The following BANK1 variants were observed in gnomAD, a reference collection of about 807,000 sequenced individuals.
BANK1 encodes the protein B cell scaffold protein with ankyrin repeats 1.
In BANK1, 95 loss-of-function variants were observed where a neutral mutation model predicts 94.5. The ratio of observed to expected loss-of-function variants is 1.00; its 90% CI spans 0.85 to 1.19. The LOEUF (loss-of-function observed/expected upper bound fraction) is 1.19, where lower values mean the gene tolerates loss of function less well. Among genes scored for constraint, BANK1 ranks in the 50% most tolerant of loss-of-function variants. BANK1 has a pLI of 0.00. For missense variants in BANK1, 987 were observed against 932.2 expected (o/e 1.06, Z -0.77); for synonymous variants, 334 against 308.4 (o/e 1.08, Z -0.87).
intron 1 of BANK1, among the ~76,000 whole-genome samples, chr4:101,828,211 A>G (rs1726438359): frequency 6.6e-6 from 1 of 151,668 alleles, no homozygotes; most frequent in Non-Finnish European, 1.5e-5. Flanking sequence ...GCCCTATTAG[A>G]CCTGTCCAAC....
chr4:101,798,954 T>G (rs1272680363), intron 1 of BANK1, among the ~76,000 whole-genome samples: 3 of 152,200 alleles, frequency 2.0e-5, no homozygotes, highest in East Asian at 1.9e-4. Context: ...GTGCAGAAGC[T>G]CTTTAGTTTA....
intron 1 of BANK1, among the ~76,000 whole-genome samples, chr4:101,824,984 GT>G (rs1726310033): frequency 6.6e-6 from 1 of 152,028 alleles, no homozygotes; most frequent in Non-Finnish European, 1.5e-5. Context: ...TTGTTATAGT[GT>G]ATTTAAGACA....
chr4:101,886,626 T>A (rs987533051), intron 5 of BANK1, among the ~76,000 whole-genome samples: 1 of 152,182 alleles, frequency 6.6e-6, no homozygotes, highest in Non-Finnish European at 1.5e-5. Context: ...TTGATTTCTT[T>A]AATGCCTACA....
intron 7 of BANK1, among the ~76,000 whole-genome samples, chr4:101,940,603 G>A (rs2148909888): frequency 6.6e-6 from 1 of 151,782 alleles, no homozygotes; most frequent in East Asian, 2.0e-4. Flanking sequence ...CTTTCCTTGT[G>A]TTTGATGACT....
intron 5 of BANK1, among the ~76,000 whole-genome samples, chr4:101,874,382 A>C (rs1728409892): frequency 6.6e-6 from 1 of 152,168 alleles, no homozygotes; most frequent in South Asian, 2.1e-4. Context: ...GTCTCCCTTA[A>C]TGAATTCTTC....
At chr4:102,040,066 C>T (rs530368075) in intron 10 of BANK1, among the ~76,000 whole-genome samples, 1 of 152,144 alleles carries the variant, frequency 6.6e-6, no homozygotes, top group East Asian at 1.9e-4. Flanking sequence ...ATCAGATTTT[C>T]TAAGAAGGGC....
chr4:101,983,729 T>A (rs947145465), intron 7 of BANK1, among the ~76,000 whole-genome samples: 1 of 152,010 alleles, frequency 6.6e-6, no homozygotes, highest in South Asian at 2.1e-4. Flanking sequence ...AGAAAAGATG[T>A]TCCAGATATT....
chr4:101,806,559 C>T (rs924310999), intron 1 of BANK1, among the ~76,000 whole-genome samples: 4 of 152,064 alleles, frequency 2.6e-5, no homozygotes, highest in Non-Finnish European at 5.9e-5. Context: ...GCTATGCAAC[C>T]TCTCTGATGC....
intron 1 of BANK1, among the ~76,000 whole-genome samples, chr4:101,812,355 A>C (rs1235033253): frequency 6.6e-6 from 1 of 151,988 alleles, no homozygotes; most frequent in Admixed American, 6.6e-5. Context: ...AAGTGGTGAA[A>C]TGTTAAAATA....
chr4:101,879,991 TG>T (rs1395943516), intron 5 of BANK1, among the ~76,000 whole-genome samples: 1 of 152,078 alleles, frequency 6.6e-6, no homozygotes, highest in East Asian at 1.9e-4. Context: ...TCATACTGAA[TG>T]GGTAAAAACT....
In BANK1 at chr4:101,924,592, G is replaced by A. The variant is rs147693466; in HGVS notation, c.1206+6403G>A. On this transcript the variant is annotated intron_variant, in intron 7 of 16. Transcript: ENST00000322953. ...CAGCAGTATAATCATTTGGCGGTGCGTTGGGAAGGGGAGCAGGCATCACTG... is the reference window on the plus strand; with the variant it reads ...CAGCAGTATAATCATTTGGCGGTGCATTGGGAAGGGGAGCAGGCATCACTG... Among the ~76,000 whole-genome samples the A allele has an allele frequency of 5.9e-3, 900 of 151,876 alleles. 15 individuals carry two copies. The highest frequency in any genetic ancestry group is 0.02 in the African/African-American group (834 of 41,500).
At chr4:101,841,976 T>C (rs975273010) in intron 2 of BANK1, among the ~76,000 whole-genome samples, 1 of 152,114 alleles carries the variant, frequency 6.6e-6, no homozygotes, top group African/African-American at 2.4e-5. Context: ...AGATGAATTA[T>C]TATGAAAAAT....
At chr4:102,020,854 A>G (rs916810879) in intron 7 of BANK1, among the ~76,000 whole-genome samples, 47 of 152,280 alleles carry the variant, frequency 3.1e-4, no homozygotes, top group African/African-American at 1.1e-3. Context: ...TAGAACCATC[A>G]CTAGTATTAG....
intron 2 of BANK1, among the ~76,000 whole-genome samples, chr4:101,833,107 G>A (rs1053856151): frequency 6.6e-5 from 10 of 151,976 alleles, no homozygotes; most frequent in Non-Finnish European, 1.5e-4. Flanking sequence ...AGCCTCCTGA[G>A]TAGCTGGGAT....
intron 4 of BANK1, among the ~76,000 whole-genome samples, chr4:101,868,319 G>T (rs535020099): frequency 4.6e-5 from 7 of 152,150 alleles, no homozygotes; most frequent in African/African-American, 1.7e-4. Context: ...GAGCTGGAAA[G>T]TTGTACTAAT....
chr4:101,887,022 A>G (rs1030598943), intron 5 of BANK1, among the ~76,000 whole-genome samples: 2 of 152,204 alleles, frequency 1.3e-5, no homozygotes, highest in African/African-American at 4.8e-5. Context: ...GTGTTGCCCA[A>G]TGGCATGGCA....
intron 7 of BANK1, among the ~76,000 whole-genome samples, chr4:101,962,474 A>G (rs1724604713): frequency 6.6e-6 from 1 of 152,148 alleles, no homozygotes; most frequent in South Asian, 2.1e-4. Context: ...GTTTCCCAAA[A>G]TCTCCACTGA....
chr4:102,038,940 A>G (rs1445324194), intron 10 of BANK1, among the ~76,000 whole-genome samples: 1 of 152,162 alleles, frequency 6.6e-6, no homozygotes, highest in Non-Finnish European at 1.5e-5. Context: ...TCTGGAAACT[A>G]AAGCAGTTAT....
chr4:101,958,256 T>C (rs1188195707), intron 7 of BANK1, among the ~76,000 whole-genome samples: 1 of 152,178 alleles, frequency 6.6e-6, no homozygotes, highest in Non-Finnish European at 1.5e-5. Context: ...CTTACAGTAA[T>C]TCTGCAAGAA....
Sources: allele counts gnomAD v4.1 joint callset (sites outside exome capture counted in the v4.1 genomes callset), GRCh38; gene constraint gnomAD v4.1.1; transcripts MANE v1.5; gene names NCBI Gene and HGNC (gene_info 2026-07-23, HGNC 2026-07-21).